SP1: variants seen among roughly 807,000 people sequenced by gnomAD.
SP1 encodes transcription factor Sp1.
In SP1, 6 loss-of-function variants were observed where a neutral mutation model predicts 66.3. The ratio of observed to expected loss-of-function variants is 0.09; its 90% confidence interval spans 0.05 to 0.18. The LOEUF is 0.18. Ranked by LOEUF, SP1 falls within the 10% of genes least tolerant of loss-of-function variation. The pLI, the probability that SP1 is intolerant of heterozygous loss-of-function variation, is 1.00. For missense variants in SP1, 848 were observed against 964.5 expected (o/e 0.88, Z 1.60); for synonymous variants, 417 against 360.8 (o/e 1.16, Z -1.77).
intron 3 of SP1, among the ~76,000 whole-genome samples, chr12:53,391,883 C>G (rs757895586): frequency 2.6e-5 from 4 of 151,854 alleles, no homozygotes; most frequent in Non-Finnish European, 5.9e-5. Context: ...TATTCACTTA[C>G]GATAATGGCT....
At position 53,387,197 on chromosome 12, in the gene SP1, C is replaced by T. The variant is rs571285285; in HGVS notation, c.1675+3575C>T. ...CGAACTCCTGACCTCGTGATCCGCCCGCCTTGGCCTCCCAAAGTGCTGGGA... is the reference window on the plus strand; with the variant it reads ...CGAACTCCTGACCTCGTGATCCGCCTGCCTTGGCCTCCCAAAGTGCTGGGA... On this transcript the variant is annotated intron_variant, in intron 3 of 5. Coordinates refer to ENST00000327443, the MANE Select transcript of SP1 (RefSeq NM_138473.3). 2.4e-3 allele frequency among the ~76,000 whole-genome samples: 362 copies of T among 151,222 alleles called. 1 individual carries two copies. The highest frequency in any genetic ancestry group is 8.2e-3 in the African/African-American group (340 of 41,234).
intron 3 of SP1, among the ~76,000 whole-genome samples, chr12:53,388,065 TTATAA>T (rs2136895619): frequency 6.6e-6 from 1 of 152,288 alleles, no homozygotes; most frequent in East Asian, 1.9e-4. Context: ...TATAAAACAT[TTATAA>T]AAATGTTTTA....
chr12:53,388,132 C>T (rs1938270510), intron 3 of SP1, among the ~76,000 whole-genome samples: 1 of 152,118 alleles, frequency 6.6e-6, no homozygotes, highest in Non-Finnish European at 1.5e-5. Flanking sequence ...TAAAAACTGA[C>T]CTCTACAACG....
At chr12:53,404,852 T>C (rs1565816396) in intron 3 of SP1, among the ~76,000 whole-genome samples, 1 of 152,054 alleles carries the variant, frequency 6.6e-6, no homozygotes, top group East Asian at 1.9e-4. Flanking sequence ...TATTATTATT[T>C]GGCGACGAAG....
chr12:53,384,819 C>T (rs757231295), intron 3 of SP1, among the ~76,000 whole-genome samples: 1 of 150,360 alleles, frequency 6.7e-6, no homozygotes, highest in African/African-American at 2.5e-5. Flanking sequence ...ACCCTGTCTT[C>T]GACAAAAATA....
At chr12:53,388,844 G>T (rs11170525) in intron 3 of SP1, among the ~76,000 whole-genome samples, 27,687 of 151,832 alleles carry the variant, frequency 0.18, 2,627 homozygotes, top group African/African-American at 0.21. Context: ...CCTGAGCATG[G>T]TAGCACACGC....
chr12:53,396,327 T>G (rs1304382863), intron 3 of SP1, among the ~76,000 whole-genome samples: 1 of 147,770 alleles, frequency 6.8e-6, no homozygotes, highest in Non-Finnish European at 1.5e-5. Flanking sequence ...CCCAGCACTT[T>G]GGGAGGCCGA....
chr12:53,409,494 C>T lies in SP1; in HGVS notation c.1977C>T (p.Thr659=). The change falls in exon 5 of 6, where the codon ACC becomes ACT. Residue 659 remains threonine (T), a synonymous_variant. Transcript: ENST00000327443. ...CAGGCGAGAGGCCATTTATGTGTAC[C>T]TGGTCATACTGTGGGAAACGCTTCA... ...WHTGERPFMC[T]WSYCGKRFTR... 1.2e-6 allele frequency: 2 copies of T among 1,614,130 alleles called. No individual in the cohort carries two copies. Among genetic ancestry groups the T allele is most frequent in the South Asian group, 2.2e-5 (2 of 91,084 alleles).
At chr12:53,405,709 A>AGGAG (rs1284010938) in intron 3 of SP1, among the ~76,000 whole-genome samples, 1 of 148,240 alleles carries the variant, frequency 6.7e-6, no homozygotes, top group East Asian at 2.1e-4. Flanking sequence ...GAAGGAGGGA[A>AGGAG]GGAGGGAGGG....
At chr12:53,409,295 G>A in intron 4 of SP1, 67 bp from the exon 5 acceptor site, 3 of 1,338,760 alleles carry the variant, frequency 2.2e-6, no homozygotes, top group African/African-American at 2.9e-5. Context: ...GGTGATTGCT[G>A]TTGATACTTT....
rs564940047 is a variant in SP1 at position 53,395,917 on chromosome 12, T to C, written c.1676-10668T>C. ...CGAGTGGATCACAAGGTCAGGAGTT[T>C]GAGACCAGCCTGGCCAACATAGTGA... On this transcript the variant is annotated intron_variant, in intron 3 of 5. Coordinates refer to ENST00000327443, the MANE Select transcript of SP1 (RefSeq NM_138473.3). Among the ~76,000 whole-genome samples, 3 of 151,336 alleles carry C rather than the reference T, an allele frequency of 2.0e-5. No individual in the cohort carries two copies. The East Asian group carries it at 5.9e-4, about 30-fold the overall frequency.
intron 3 of SP1, among the ~76,000 whole-genome samples, chr12:53,405,697 A>AGGAAGGAGGGAAGGAG (rs58778950): frequency 6.7e-6 from 1 of 149,134 alleles, no homozygotes; most frequent in African/African-American, 2.5e-5. Flanking sequence ...GAGAGAGAGA[A>AGGAAGGAGGGAAGGAG]GGAAGGAGGG....
intron 3 of SP1, 57 bp downstream of exon 3, chr12:53,383,679 A>G: frequency 7.1e-7 from 1 of 1,410,314 alleles, no homozygotes; most frequent in Non-Finnish European, 9.7e-7. Context: ...CGTAGCTGAA[A>G]CTTGAGTCTA....
At chr12:53,388,919 G>A (rs964431920) in intron 3 of SP1, among the ~76,000 whole-genome samples, 3 of 150,856 alleles carry the variant, frequency 2.0e-5, no homozygotes, top group Admixed American at 6.7e-5. Flanking sequence ...GGTTGAGGAC[G>A]CAGTGAGCCA....
chr12:53,415,724 T>C lies in SP1; in HGVS notation c.*4484T>C, dbSNP rs1938983136. ...TTTTGTTGATACCTCTGCTGGGATG[T>C]GTGCTTTCCCATATCTTGCCTTCAG... On this transcript the variant is annotated 3_prime_UTR_variant, in exon 6 of 6. Coordinates refer to ENST00000327443, the MANE Select transcript of SP1 (RefSeq NM_138473.3). The C allele has an allele frequency of 6.6e-6, 1 of 152,396 alleles. No homozygotes were observed. Among genetic ancestry groups the C allele is most frequent in the African/African-American group, 2.4e-5 (1 of 41,358 alleles). The allele number at this position is 152,396 out of a possible 1,614,324, so 9.4% of individuals were successfully genotyped here.
intron 3 of SP1, among the ~76,000 whole-genome samples, chr12:53,403,115 C>T (rs547276074): frequency 6.6e-6 from 1 of 151,918 alleles, no homozygotes; most frequent in South Asian, 2.1e-4. Flanking sequence ...ACTGCACTCC[C>T]ACTCCGTCTC....
Position 53,409,499 on chromosome 12 carries a change from C to A in SP1, c.1982C>A (p.Ser661Ter). The A allele has an allele frequency of 6.2e-7, 1 of 1,614,092 alleles. No homozygotes were observed. The highest frequency in any genetic ancestry group is 1.1e-5 in the South Asian group (1 of 91,060). Residue 661 changes from serine (S) to a stop codon, truncating the protein, a stop_gained, in exon 5 of 6, where the codon TCA (serine) becomes TAA (stop). Transcript: ENST00000327443. LOFTEE classifies it high-confidence loss of function. ...TGERPFMCTW[S>*]YCGKRFTRSD... ...GAGAGGCCATTTATGTGTACCTGGT[C>A]ATACTGTGGGAAACGCTTCACACGT...
In SP1 at chr12:53,414,022, T is replaced by C. The variant is rs1387838224; in HGVS notation, c.*2782T>C. ...AGCAGCTTCTTTTGTCTCCCAGCAG[T>C]AGTGAGCCACTCAGTCTCTTCCACA... On this transcript the variant is annotated 3_prime_UTR_variant, in exon 6 of 6. Transcript: ENST00000327443. 6.6e-6 allele frequency: 1 copy of C among 152,198 alleles called. No individual in the cohort carries two copies. The highest frequency in any genetic ancestry group is 1.5e-5 in the Non-Finnish European group (1 of 68,042). The allele number at this position is 152,198 out of a possible 1,614,324, so 9.4% of individuals were successfully genotyped here.
intron 1 of SP1, chr12:53,380,596 G>A: frequency 2.0e-6 from 2 of 1,009,268 alleles, no homozygotes; most frequent in Non-Finnish European, 2.4e-6. Context: ...GCCCGCCTGA[G>A]GCTCCTCCCG....
Sources: allele counts gnomAD v4.1 joint callset (sites outside exome capture counted in the v4.1 genomes callset), GRCh38; gene constraint gnomAD v4.1.1; transcripts MANE v1.5; gene names NCBI Gene and HGNC (gene_info 2026-07-23, HGNC 2026-07-21).